Variants in ANO3 observed in about 807,000 individuals in gnomAD.
ANO3 encodes anoctamin 3, also known as anoctamin-3.
Under a neutral mutation model 144.8 loss-of-function variants are expected in ANO3, and 99 were observed. The observed-to-expected ratio is 0.68, with a 90% CI of 0.58 to 0.81. The LOEUF (loss-of-function observed/expected upper bound fraction) is 0.81, where lower values mean the gene tolerates loss of function less well. ANO3 is among the 30% of genes least tolerant of loss of function. The pLI is 0.00. For missense variants in ANO3, 905 were observed against 1,202.2 expected (o/e 0.75, Z 3.66); for synonymous variants, 414 against 392.6 (o/e 1.05, Z -0.64).
chr11:26,280,555 C>A (rs1853655544), intron 1 of ANO3, among the ~76,000 whole-genome samples: 1 of 152,156 alleles, frequency 6.6e-6, no homozygotes, highest in South Asian at 2.1e-4. Flanking sequence ...CGTTCTTCTG[C>A]CTGCTTTTAT....
At chr11:26,193,199 T>C (rs1244722704) in intron 1 of ANO3, among the ~76,000 whole-genome samples, 2 of 141,516 alleles carry the variant, frequency 1.4e-5, no homozygotes, top group African/African-American at 2.7e-5. Flanking sequence ...TGGAGTGCAA[T>C]GGCGCCATCT....
At chr11:26,379,480 T>C (rs911151042) in intron 1 of ANO3, among the ~76,000 whole-genome samples, 1 of 151,936 alleles carries the variant, frequency 6.6e-6, no homozygotes, top group Non-Finnish European at 1.5e-5. Context: ...GGTGTAACAT[T>C]GGAAATAAGA....
rs1212738586 is a variant in ANO3 at position 26,522,139 on chromosome 11, G to T, written c.693-3496G>T. ...GCTGAGCTTGCAGTGAGCCGAGATCGCGCCACTGCACTCCAGCCTGGGCGA... is the reference window on the plus strand; with the variant it reads ...GCTGAGCTTGCAGTGAGCCGAGATCTCGCCACTGCACTCCAGCCTGGGCGA... On this transcript the variant is annotated intron_variant, in intron 6 of 26. Coordinates refer to ENST00000256737, the MANE Select transcript of ANO3 (RefSeq NM_031418.4). Among the ~76,000 whole-genome samples, 4 of 151,976 alleles carry T rather than the reference G, an allele frequency of 2.6e-5. No homozygotes were observed. In the East Asian group the frequency reaches 7.7e-4, roughly 29 times the overall value.
intron 18 of ANO3, 65 bp from the exon 19 acceptor site, chr11:26,634,139 C>T: frequency 1.1e-6 from 1 of 894,074 alleles, no homozygotes; most frequent in African/African-American, 1.7e-5. Flanking sequence ...GTTTCTGCCT[C>T]CATGTCCAGA....
chr11:26,428,551 G>C (rs1857986554), intron 1 of ANO3, among the ~76,000 whole-genome samples: 1 of 152,158 alleles, frequency 6.6e-6, no homozygotes, highest in African/African-American at 2.4e-5. Context: ...TCATCAAACT[G>C]TTTGTTCTTC....
chr11:26,566,998 C>A (rs1320536874), intron 14 of ANO3: 12 of 1,357,492 alleles, frequency 8.8e-6, no homozygotes, highest in Non-Finnish European at 1.2e-5. Context: ...AATAATATAT[C>A]TATAGTGTCT....
chr11:26,452,183 G>C (rs189518432), intron 3 of ANO3, among the ~76,000 whole-genome samples: 2,596 of 152,202 alleles, frequency 0.017, 57 homozygotes, highest in African/African-American at 0.057. Flanking sequence ...CACCTCTCCT[G>C]CTCCAAAGGA....
chr11:26,656,052 G>A (rs1243590257), intron 24 of ANO3, 73 bp from the exon 25 acceptor site: 19 of 1,187,032 alleles, frequency 1.6e-5, no homozygotes, highest in Non-Finnish European at 2.0e-5. Context: ...TAAAATCCTG[G>A]CATTTGTAAT....
At chr11:26,352,835 A>T (rs769628897) in intron 1 of ANO3, among the ~76,000 whole-genome samples, 2 of 152,144 alleles carry the variant, frequency 1.3e-5, no homozygotes, top group African/African-American at 4.8e-5. Context: ...TAGATCATTG[A>T]CACCTTTCTT....
intron 4 of ANO3, among the ~76,000 whole-genome samples, chr11:26,488,325 G>C (rs1026006036): frequency 5.9e-5 from 9 of 152,194 alleles, no homozygotes; most frequent in Non-Finnish European, 1.0e-4. Context: ...GTAGCAAGGA[G>C]CCTAATGTTA....
chr11:26,631,405 A>T (rs577273414), intron 18 of ANO3, among the ~76,000 whole-genome samples: 25 of 152,104 alleles, frequency 1.6e-4, no homozygotes, highest in Admixed American at 4.6e-4. Context: ...AATAAATAAA[A>T]TAGTGAGAAT....
chr11:26,381,736 G>A (rs1294312836), intron 1 of ANO3, among the ~76,000 whole-genome samples: 1 of 152,154 alleles, frequency 6.6e-6, no homozygotes, highest in African/African-American at 2.4e-5. Flanking sequence ...TGTGTCTAAT[G>A]TAAAATATTG....
rs892908860 is a variant in ANO3 at position 26,660,649 on chromosome 11, G to A, written c.*205G>A. ...ACAATGACTTGACGACCTTAAAAAG[G>A]GTTAGATTGACATTGCAGGAAGCCA... On this transcript the variant is annotated 3_prime_UTR_variant, in exon 27 of 27. Coordinates refer to ENST00000256737, the MANE Select transcript of ANO3 (RefSeq NM_031418.4). 2 of 496,622 alleles carry A rather than the reference G, an allele frequency of 4.0e-6. No individual in the cohort carries two copies. Among genetic ancestry groups the A allele is most frequent in the Non-Finnish European group, 6.9e-6 (2 of 287,780 alleles). 30.8% of individuals were successfully genotyped at this position (496,622 alleles called of 1,614,324 possible).
At chr11:26,646,018 A>G (rs1278839521) in intron 23 of ANO3, among the ~76,000 whole-genome samples, 4 of 152,182 alleles carry the variant, frequency 2.6e-5, no homozygotes, top group Non-Finnish European at 4.4e-5. Flanking sequence ...AGACAACACG[A>G]AAGTGTATAA....
At chr11:26,325,169 C>G (rs779893250) in intron 1 of ANO3, among the ~76,000 whole-genome samples, 14 of 152,114 alleles carry the variant, frequency 9.2e-5, no homozygotes, top group Non-Finnish European at 1.9e-4. Flanking sequence ...GAAGACTTGA[C>G]GCTTCAAACA....
At chr11:26,401,171 C>G (rs1320112341) in intron 1 of ANO3, among the ~76,000 whole-genome samples, 1 of 151,942 alleles carries the variant, frequency 6.6e-6, no homozygotes, top group Admixed American at 6.6e-5. Context: ...ATAGCATACC[C>G]CCATGGACAG....
At chr11:26,322,625 G>T (rs117496575) in intron 1 of ANO3, among the ~76,000 whole-genome samples, 3,221 of 152,106 alleles carry the variant, frequency 0.021, 64 homozygotes, top group Middle Eastern at 0.071. Flanking sequence ...TATCAGTTTT[G>T]GGGAGGTACA....
intron 14 of ANO3, among the ~76,000 whole-genome samples, chr11:26,574,352 A>G (rs1850933507): frequency 6.6e-6 from 1 of 152,158 alleles, no homozygotes; most frequent in Non-Finnish European, 1.5e-5. Context: ...AATTGAAAAC[A>G]TTGTTTTGAA....
chr11:26,497,092 A>G (rs1189772227), intron 4 of ANO3, among the ~76,000 whole-genome samples: 1 of 151,402 alleles, frequency 6.6e-6, no homozygotes, highest in Non-Finnish European at 1.5e-5. Context: ...ACAAACCTAT[A>G]TATATTTCTG....
Sources: allele counts gnomAD v4.1 joint callset (sites outside exome capture counted in the v4.1 genomes callset), GRCh38; gene constraint gnomAD v4.1.1; transcripts MANE v1.5; gene names NCBI Gene and HGNC (gene_info 2026-07-23, HGNC 2026-07-21).